PSMA4: variants seen among roughly 807,000 people sequenced by gnomAD.
The protein encoded by PSMA4 is proteasome 20S subunit alpha 4, also known as proteasome subunit alpha type-4.
In PSMA4, 8 loss-of-function variants were observed where a neutral mutation model predicts 37.2. The observed-to-expected ratio is 0.22, with a 90% CI of 0.13 to 0.39. The LOEUF (loss-of-function observed/expected upper bound fraction) is 0.39, where lower values mean the gene tolerates loss of function less well. PSMA4 is among the 10% of genes least tolerant of loss of function. The pLI is 1.00. For synonymous variants in PSMA4, 93 were observed against 98.8 expected (o/e 0.94, Z 0.35); for missense variants, 169 against 305.1 (o/e 0.55, Z 3.32).
chr15:78,544,020 G>A (rs8025429), intron 4 of PSMA4, 170 bp from the exon 5 acceptor site: 348,730 of 545,182 alleles, frequency 0.64, 114,430 homozygotes, highest in East Asian at 0.88. Flanking sequence ...GAGTGACATC[G>A]AGTAAACATC....
At position 78,549,128 on chromosome 15, in the gene PSMA4, T is replaced by A; in HGVS notation, c.*184T>A. The A allele has an allele frequency of 5.5e-6, 5 of 908,278 alleles. No homozygotes were observed. The highest frequency in any genetic ancestry group is 7.2e-6 in the Non-Finnish European group (5 of 691,968). 56.3% of individuals were successfully genotyped at this position (908,278 alleles called of 1,614,324 possible). A position where few individuals can be genotyped will look rare whatever the true frequency, so the allele number is the denominator to read the frequency against. ...TTTATTGTAACGATGATGGTTACCC[T>A]TCATGGACGTCTTAATCTTCCACAC... On this transcript the variant is annotated 3_prime_UTR_variant, in exon 9 of 9. Transcript: ENST00000044462.
intron 3 of PSMA4, 71 bp from the exon 4 acceptor site, chr15:78,542,412 T>C (rs900553368): frequency 7.8e-6 from 12 of 1,537,664 alleles, no homozygotes; most frequent in Non-Finnish European, 1.1e-5. Context: ...GCTTCATTGC[T>C]GATTTCTTTT....
chr15:78,545,743 A>G lies in PSMA4; in HGVS notation c.486A>G (p.Thr162=). 1 of 1,614,124 alleles carries G rather than the reference A, an allele frequency of 6.2e-7. No individual in the cohort carries two copies. Among genetic ancestry groups the G allele is most frequent in the South Asian group, 1.1e-5 (1 of 91,088 alleles). ...GAAATTACGGGGGATGGAAGGCCAC[A>G]TGCATTGGAAATAATAGCGCTGTGA... The part of the protein sequence containing the change: ...PSGNYGGWKA[T]CIGNNSAAAV... The change falls in exon 7 of 9, where the codon ACA becomes ACG. Residue 162 remains threonine, a synonymous_variant. Coordinates refer to ENST00000044462, the MANE Select transcript of PSMA4 (RefSeq NM_002789.6).
intron 7 of PSMA4, 78 bp from the exon 8 acceptor site, chr15:78,546,497 G>T: frequency 7.7e-7 from 1 of 1,306,314 alleles, no homozygotes. Flanking sequence ...TAATAATTCA[G>T]GCATTTTTCT....
At chr15:78,544,478 T>A in intron 5 of PSMA4, 1 of 495,816 alleles carries the variant, frequency 2.0e-6, no homozygotes, top group Non-Finnish European at 3.6e-6. Context: ...TTTTTGTATT[T>A]TTAGTAGAGA....
chr15:78,544,461 G>A (rs76327636), intron 5 of PSMA4, 194 bp downstream of exon 5: 2 of 507,346 alleles, frequency 3.9e-6, no homozygotes, highest in South Asian at 4.7e-5. Context: ...CCACCACACC[G>A]GGTTAATTTT....
chr15:78,546,633 C>T lies in PSMA4; in HGVS notation c.566C>T (p.Ala189Val). 1 of 1,603,904 alleles carries T rather than the reference C, an allele frequency of 6.2e-7. No homozygotes were observed. Among genetic ancestry groups the T allele is most frequent in the South Asian group, 1.1e-5 (1 of 88,078 alleles). Residue 189 changes from alanine to valine, a missense_variant, in exon 8 of 9, where the codon GCA (alanine) becomes GTA (valine). By Grantham distance (64) the Ala-to-Val change is moderately conservative. Around this residue, in one of 2 missense-constraint regions of PSMA4, gnomAD observed 90 missense variants for 92.7 expected, o/e 0.97. Coordinates refer to ENST00000044462, the MANE Select transcript of PSMA4 (RefSeq NM_002789.6). ...YKEGEMTLKS[A>V]LALAIKVLNK... ...GAAGGAGAAATGACCTTGAAGTCAG[C>T]ACTTGCTTTAGCTATCAAAGTACTA...
rs1204969776 is a variant in PSMA4, at chr15:78,552,029, G to A, written c.*3085G>A. Reference sequence around the variant, plus strand: ...GTGAGGCAAAAGCTACTCTTTAACTGTGAGTTTTTTTTCCTTGCGATGGGG... The same window carrying A: ...GTGAGGCAAAAGCTACTCTTTAACTATGAGTTTTTTTTCCTTGCGATGGGG... On this transcript the variant is annotated 3_prime_UTR_variant, in exon 9 of 9. Transcript: ENST00000044462. The A allele has an allele frequency of 6.6e-6, 1 of 152,202 alleles. No homozygotes were observed. The highest frequency in any genetic ancestry group is 1.5e-5 in the Non-Finnish European group (1 of 68,050). The allele number at this position is 152,202 out of a possible 1,614,324, so 9.4% of individuals were successfully genotyped here. A position where few individuals can be genotyped will look rare whatever the true frequency, so the allele number is the denominator to read the frequency against.
Position 78,546,599 on chromosome 15 carries a change from G to A in PSMA4, c.532G>A (p.Asp178Asn). ...GGCAGCTGTGTCAATGTTGAAACAA[G>A]ACTATAAAGAAGGAGAAATGACCTT... ...SAAAVSMLKQ[D>N]YKEGEMTLKS... is the part of the protein sequence containing the mutation. Residue 178 changes from aspartate (D) to asparagine (N), a missense_variant, in exon 8 of 9, where the codon GAC (aspartate) becomes AAC (asparagine). Coordinates refer to ENST00000044462, the MANE Select transcript of PSMA4 (RefSeq NM_002789.6). 1.3e-6 allele frequency: 2 copies of A among 1,596,646 alleles called. No individual in the cohort carries two copies. The highest frequency in any genetic ancestry group is 2.2e-5 in the East Asian group (1 of 44,652).
rs534006174 is a variant in PSMA4, at chr15:78,548,656, G to A, written c.632-134G>A. 255 of 1,148,724 alleles carry A rather than the reference G, an allele frequency of 2.2e-4. 2 individuals are homozygous for A. In the South Asian group the frequency reaches 5.9e-3, roughly 26 times the overall value. 71.2% of individuals were successfully genotyped at this position (1,148,724 alleles called of 1,614,324 possible). ...TTCTCATAAAAGGGAATAATGTTAAGTATAAAACATAGGAGAGTGCTGAAC... is the reference window on the plus strand; with the variant it reads ...TTCTCATAAAAGGGAATAATGTTAAATATAAAACATAGGAGAGTGCTGAAC... On this transcript the variant is annotated intron_variant, in intron 8 of 8. Coordinates refer to ENST00000044462, the MANE Select transcript of PSMA4 (RefSeq NM_002789.6).
At position 78,545,656 on chromosome 15, in the gene PSMA4, A is replaced by G; in HGVS notation, c.399A>G (p.Ser133=). ...AAGGAAAACGTCCCTTTGGTGTTTC[A>G]TTGCTGTACATTGGCTGGGATAAGC... ...QFGGKRPFGV[S]LLYIGWDKHY... The change falls in exon 7 of 9, where the codon TCA becomes TCG. Residue 133 remains serine (S), a synonymous_variant. Coordinates refer to ENST00000044462, the MANE Select transcript of PSMA4 (RefSeq NM_002789.6). 2.5e-6 allele frequency: 4 copies of G among 1,613,976 alleles called. No homozygotes were observed. Among genetic ancestry groups the G allele is most frequent in the Non-Finnish European group, 3.4e-6 (4 of 1,179,886 alleles).
chr15:78,545,672 T>C lies in PSMA4; in HGVS notation c.415T>C (p.Trp139Arg). ...TGGTGTTTCATTGCTGTACATTGGC[T>C]GGGATAAGCACTATGGCTTTCAGCT... ...PFGVSLLYIG[W>R]DKHYGFQLYQ... Residue 139 changes from tryptophan (W) to arginine (R), a missense_variant, in exon 7 of 9, where the codon TGG becomes CGG. Around this residue, in one of 2 missense-constraint regions of PSMA4, gnomAD observed 79 missense variants for 212.4 expected, o/e 0.37. Transcript: ENST00000044462. 1 of 1,614,122 alleles carries C rather than the reference T, an allele frequency of 6.2e-7. No homozygotes were observed. Among genetic ancestry groups the C allele is most frequent in the Non-Finnish European group, 8.5e-7 (1 of 1,179,948 alleles).
chr15:78,545,194 C>G (rs1341178944), intron 6 of PSMA4, among the ~76,000 whole-genome samples: 1 of 152,146 alleles, frequency 6.6e-6, no homozygotes, highest in Non-Finnish European at 1.5e-5. Flanking sequence ...GTGTTGGGAG[C>G]CTTCCATATC....
At position 78,550,709 on chromosome 15, in the gene PSMA4, C is replaced by T. The variant is rs12907966; in HGVS notation, c.*1765C>T. The stretch of plus-strand genomic sequence containing the variant: ...AAGAAAAATGCAAAAATAAACGGCA[C>T]AAGGTAGACTGCAGGAACACTTACA... On this transcript the variant is annotated 3_prime_UTR_variant, in exon 9 of 9. Transcript: ENST00000044462. 0.31 allele frequency: 46,672 copies of T among 151,520 alleles called. 8,449 individuals carry two copies. Among genetic ancestry groups the T allele is most frequent in the Non-Finnish European group, 0.42 (28,720 of 67,960 alleles). 9.4% of individuals were successfully genotyped at this position (151,520 alleles called of 1,614,324 possible).
At chr15:78,543,656 C>T (rs2052497470) in intron 4 of PSMA4, among the ~76,000 whole-genome samples, 1 of 147,724 alleles carries the variant, frequency 6.8e-6, no homozygotes, top group Admixed American at 6.9e-5. Context: ...GCAGCTTCTG[C>T]CTCCTGGGCT....
At chr15:78,548,500 G>A (rs943770240) in intron 8 of PSMA4, among the ~76,000 whole-genome samples, 5 of 152,114 alleles carry the variant, frequency 3.3e-5, no homozygotes, top group Non-Finnish European at 7.3e-5. Context: ...CGTCTAATCA[G>A]CACAGCTAAT....
At chr15:78,545,973 A>G (rs567023432) in intron 7 of PSMA4, among the ~76,000 whole-genome samples, 41 of 152,338 alleles carry the variant, frequency 2.7e-4, no homozygotes, top group African/African-American at 8.9e-4. Flanking sequence ...GCTAATTTTC[A>G]GTTAGGAGTT....
In PSMA4 at chr15:78,549,085, T is replaced by A; in HGVS notation, c.*141T>A. 8.1e-7 allele frequency: 1 copy of A among 1,231,706 alleles called. No individual in the cohort carries two copies. Among genetic ancestry groups the A allele is most frequent in the Non-Finnish European group, 1.0e-6 (1 of 952,622 alleles). The allele number at this position is 1,231,706 out of a possible 1,614,324, so 76.3% of individuals were successfully genotyped here. On this transcript the variant is annotated 3_prime_UTR_variant, in exon 9 of 9. Transcript: ENST00000044462. Reference sequence around the variant, plus strand: ...ACATACTGAATTGGGTCCTTGTCATTTCTGTCCAATTGAATACTTTATTGT... The same window carrying A: ...ACATACTGAATTGGGTCCTTGTCATATCTGTCCAATTGAATACTTTATTGT...
At chr15:78,548,068 T>TA (rs1036454362) in intron 8 of PSMA4, among the ~76,000 whole-genome samples, 11 of 151,874 alleles carry the variant, frequency 7.2e-5, no homozygotes, top group African/African-American at 1.9e-4. Context: ...CTGCCTCTAC[T>TA]AAAAATACAA....
Sources: gnomAD v4.1 joint callset for allele counts (sites outside exome capture counted in the v4.1 genomes callset) on GRCh38, gnomAD v4.1.1 for gene constraint, gnomAD v4.1.1 regional missense constraint, MANE v1.5 for transcripts, NCBI Gene and HGNC (gene_info 2026-07-23, HGNC 2026-07-21) for gene names.